PTPRN2: variants seen among roughly 807,000 people sequenced by gnomAD.
The protein encoded by PTPRN2 is receptor-type tyrosine-protein phosphatase N2.
A neutral mutation model predicts 118.8 loss-of-function variants in PTPRN2; 74 were observed. The observed-to-expected ratio is 0.62, with a 90% CI of 0.52 to 0.76. PTPRN2 has a LOEUF of 0.76. Ranked by LOEUF, PTPRN2 falls within the 30% of genes least tolerant of loss-of-function variation. PTPRN2 has a pLI of 0.00. For missense variants in PTPRN2, 1,481 were observed against 1,394.4 expected, an observed-to-expected ratio of 1.06 and a Z score of -0.99; for synonymous variants, 641 against 608.0, an observed-to-expected ratio of 1.05 and a Z score of -0.80.
chr7:157,904,654 G>A (rs188458911), intron 11 of PTPRN2, among the ~76,000 whole-genome samples: 2 of 152,260 alleles, frequency 1.3e-5, no homozygotes, highest in Non-Finnish European at 2.9e-5. Context: ...ACGAGCCAGT[G>A]TCTGTGGGGC....
intron 2 of PTPRN2, among the ~76,000 whole-genome samples, chr7:158,343,412 C>T (rs891657061): frequency 1.3e-5 from 2 of 152,144 alleles, no homozygotes; most frequent in African/African-American, 2.4e-5. Context: ...CCGAAAATAA[C>T]GCGTGTGGGT....
intron 2 of PTPRN2, among the ~76,000 whole-genome samples, chr7:158,373,478 A>G (rs10245268): frequency 0.19 from 28,346 of 152,128 alleles, 3,294 homozygotes; most frequent in African/African-American, 0.31. Flanking sequence ...GTAAACTAGT[A>G]TTCCCAAAGG....
intron 1 of PTPRN2, chr7:158,532,801 T>C (rs1029507022): frequency 1.9e-6 from 1 of 534,594 alleles, no homozygotes; most frequent in African/African-American, 1.9e-5. Flanking sequence ...GTTAAATGCG[T>C]GCAGGCTTCC....
intron 12 of PTPRN2, among the ~76,000 whole-genome samples, chr7:157,872,633 C>T (rs539119884): frequency 7.2e-5 from 11 of 152,376 alleles, no homozygotes; most frequent in African/African-American, 1.2e-4. Flanking sequence ...CTTGGTTTCC[C>T]GGTATAACTA....
intron 15 of PTPRN2, among the ~76,000 whole-genome samples, chr7:157,605,349 G>A (rs1040520623): frequency 3.9e-5 from 6 of 152,246 alleles, no homozygotes; most frequent in African/African-American, 9.6e-5. Context: ...GCTCCTGGAA[G>A]TTTGGAGATA....
chr7:158,061,734 A>G (rs1030294978), intron 11 of PTPRN2, among the ~76,000 whole-genome samples: 3 of 152,232 alleles, frequency 2.0e-5, no homozygotes, highest in Admixed American at 6.5e-5. Flanking sequence ...CCACACCTGA[A>G]GGACCTAACA....
In PTPRN2 at chr7:158,015,019, T is replaced by C. The variant is rs1305634827; in HGVS notation, c.1723+66279A>G. ...TAAGAACTTCTCCTGAATATCATCTTTTCCCTTTTTGCTCTCTCATTTGTC... is the reference window on the plus strand; with the variant it reads ...TAAGAACTTCTCCTGAATATCATCTCTTCCCTTTTTGCTCTCTCATTTGTC... On this transcript the variant is annotated intron_variant, in intron 11 of 22. Transcript: ENST00000389418. This position sits in a 1 kb window ranked among gnomAD's most constrained non-coding sequence, Gnocchi z 4.2. 6.6e-6 allele frequency among the ~76,000 whole-genome samples: 1 copy of C among 152,256 alleles called. No homozygotes were observed. Among genetic ancestry groups the C allele is most frequent in the African/African-American group, 2.4e-5 (1 of 41,464 alleles).
rs1235143152 is a variant in PTPRN2 at position 157,734,175 on chromosome 7, G to A, written c.1789-51238C>T. 2.8e-5 allele frequency among the ~76,000 whole-genome samples: 4 copies of A among 140,504 alleles called. 2 individuals are homozygous for A. The highest frequency in any genetic ancestry group is 1.1e-4 in the African/African-American group (4 of 36,368). The allele number at this position is 140,504 out of a possible 152,430, so 92.2% of individuals were successfully genotyped here. A position where few individuals can be genotyped will look rare whatever the true frequency, so the allele number is the denominator to read the frequency against. On this transcript the variant is annotated intron_variant, in intron 12 of 22. Coordinates refer to ENST00000389418, the MANE Select transcript of PTPRN2 (RefSeq NM_002847.5). ...GCACAGTTACTCTTTTCCACCCCAT[G>A]CACCCAGCACAGTTACTCTTTTCCG...
At chr7:158,052,956 C>CG (rs1227210850) in intron 11 of PTPRN2, among the ~76,000 whole-genome samples, 2 of 152,148 alleles carry the variant, frequency 1.3e-5, no homozygotes, top group Admixed American at 1.3e-4. Flanking sequence ...AACTGCACCT[C>CG]GGGGGCTCCT....
At chr7:157,597,437 T>C (rs1284572455) in intron 16 of PTPRN2, among the ~76,000 whole-genome samples, 1 of 151,888 alleles carries the variant, frequency 6.6e-6, no homozygotes, top group African/African-American at 2.4e-5. Flanking sequence ...CAAATAGTAA[T>C]GCATGAAAAG....
At chr7:158,071,443 AGGTGCTCGTGGTT>A (rs1811611374) in intron 11 of PTPRN2, among the ~76,000 whole-genome samples, 6 of 33,070 alleles carry the variant, frequency 1.8e-4, no homozygotes, top group Non-Finnish European at 3.5e-4. Flanking sequence ...GTGGTGGTGG[AGGTGCTCGTGGTT>A]GAGGTGCTCG....
intron 12 of PTPRN2, among the ~76,000 whole-genome samples, chr7:157,683,701 A>G (rs1797024214): frequency 6.6e-6 from 1 of 152,170 alleles, no homozygotes; most frequent in Non-Finnish European, 1.5e-5. Flanking sequence ...TGAAAATATG[A>G]GAAAGCCCTT....
intron 11 of PTPRN2, chr7:158,031,016 T>C (rs955500212): frequency 6.6e-6 from 1 of 152,220 alleles, no homozygotes. Context: ...AGGCATCACG[T>C]TGAATAATAT....
At chr7:158,260,157 C>T (rs1402632652) in intron 3 of PTPRN2, among the ~76,000 whole-genome samples, 1 of 152,232 alleles carries the variant, frequency 6.6e-6, no homozygotes, top group African/African-American at 2.4e-5. Flanking sequence ...CCTGCTGTCT[C>T]TCTGTGGGGT....
intron 3 of PTPRN2, 52 bp downstream of exon 3, chr7:158,316,767 G>A (rs930697972): frequency 9.3e-5 from 127 of 1,364,412 alleles, no homozygotes; most frequent in Non-Finnish European, 1.1e-4. Context: ...AGCCAAGCCC[G>A]TGCGGTCGCT....
At chr7:158,299,014 C>T (rs1800687610) in intron 3 of PTPRN2, among the ~76,000 whole-genome samples, 1 of 152,126 alleles carries the variant, frequency 6.6e-6, no homozygotes, top group South Asian at 2.1e-4. Context: ...GCAGCTCAGC[C>T]CGTTTTCAAA....
chr7:158,239,057 G>C lies in PTPRN2; in HGVS notation c.278-33784C>G, dbSNP rs7777448. On this transcript the variant is annotated intron_variant, in intron 3 of 22. Coordinates refer to ENST00000389418, the MANE Select transcript of PTPRN2 (RefSeq NM_002847.5). ...AAAGCCAGGCAGGCAGCTGCCACCC[G>C]AGCCTGGTGTTTGCTCGGTCAAGGT... is the stretch of plus-strand genomic sequence containing the variant. 2.0e-5 allele frequency among the ~76,000 whole-genome samples: 3 copies of C among 152,114 alleles called. No individual in the cohort carries two copies. The South Asian group carries it at 6.2e-4, about 32-fold the overall frequency.
rs1371556202 is a variant in PTPRN2 at position 157,619,058 on chromosome 7, C to T, written c.2344+2304G>A. 6.6e-6 allele frequency among the ~76,000 whole-genome samples: 1 copy of T among 152,098 alleles called. No individual in the cohort carries two copies. The highest frequency in any genetic ancestry group is 1.5e-5 in the Non-Finnish European group (1 of 68,026). On this transcript the variant is annotated intron_variant, in intron 15 of 22. Coordinates refer to ENST00000389418, the MANE Select transcript of PTPRN2 (RefSeq NM_002847.5). This position sits in a 1 kb window ranked among gnomAD's most constrained non-coding sequence, Gnocchi z 5.3. ...GCCACCCTGTTGGCACCGGCTGCTA[C>T]CTGGGGAGGCTGCCTGTGTCCCATC...
At chr7:158,579,535 T>C (rs868854785) in intron 1 of PTPRN2, among the ~76,000 whole-genome samples, 1 of 152,220 alleles carries the variant, frequency 6.6e-6, no homozygotes, top group Non-Finnish European at 1.5e-5. Context: ...AGTCTTTCCA[T>C]TTCTCTTGAC....
Sources: allele counts gnomAD v4.1 joint callset (sites outside exome capture counted in the v4.1 genomes callset), GRCh38; gene constraint gnomAD v4.1.1; non-coding constraint Gnocchi (gnomAD v3.1); transcripts MANE v1.5; gene names NCBI Gene and HGNC (gene_info 2026-07-23, HGNC 2026-07-21).